Variants in FERMT1 observed in about 807,000 individuals in gnomAD.
FERMT1 encodes the protein FERM domain containing kindlin 1, also known as fermitin family homolog 1.
In FERMT1, 60 loss-of-function variants were observed where a neutral mutation model predicts 85.3. The observed-to-expected ratio is 0.70, with a 90% CI of 0.57 to 0.87. The LOEUF (loss-of-function observed/expected upper bound fraction) is 0.87. FERMT1 is among the 40% of genes least tolerant of loss of function. The pLI is 0.00. For missense variants in FERMT1, 701 were observed against 818.9 expected, an observed-to-expected ratio of 0.86 and a Z score of 1.76; for synonymous variants, 275 against 301.1, an observed-to-expected ratio of 0.91 and a Z score of 0.90.
At chr20:6,091,427 A>G (rs1426823685) in intron 9 of FERMT1, among the ~76,000 whole-genome samples, 1 of 151,676 alleles carries the variant, frequency 6.6e-6, no homozygotes, top group Non-Finnish European at 1.5e-5. Flanking sequence ...CTGGGGTTTC[A>G]TCATGTTGGC....
In FERMT1 at chr20:6,110,206, T is replaced by C. The variant is rs1982905296; in HGVS notation, c.746+92A>G. 17 of 1,117,380 alleles carry C rather than the reference T, an allele frequency of 1.5e-5. No homozygotes were observed. The South Asian group carries it at 2.1e-4, about 14-fold the overall frequency. The allele number at this position is 1,117,380 out of a possible 1,614,324, so 69.2% of individuals were successfully genotyped here. A position where few individuals can be genotyped will look rare whatever the true frequency, so the allele number is the denominator to read the frequency against. ...ACTTTTGCAAATAAAGCACAATCCC[T>C]AGGCCTACCAACTTGAAAATGAAAC... On this transcript the variant is annotated intron_variant, in intron 5 of 14. Transcript: ENST00000217289.
Position 6,085,012 on chromosome 20 carries a change from C to T in FERMT1, c.1593+54G>A, listed in dbSNP as rs6038350. ...CCAGCCGGAAATCCTCCTTTTATTTCTGTTTGCATAAAGAATTTACTGCAA... is the reference window on the plus strand; with the variant it reads ...CCAGCCGGAAATCCTCCTTTTATTTTTGTTTGCATAAAGAATTTACTGCAA... On this transcript the variant is annotated intron_variant, in intron 12 of 14. Coordinates refer to ENST00000217289, the MANE Select transcript of FERMT1 (RefSeq NM_017671.5). The T allele has an allele frequency of 1.3e-3, 1,928 of 1,520,862 alleles. 21 individuals carry two copies. In the African/African-American group the frequency reaches 0.02, roughly 16 times the overall value. 94.2% of individuals were successfully genotyped at this position (1,520,862 alleles called of 1,614,324 possible). A position where few individuals can be genotyped will look rare whatever the true frequency, so the allele number is the denominator to read the frequency against.
intron 1 of FERMT1, 23 bp from the exon 2 acceptor site, chr20:6,119,595 T>C (rs1362724858): frequency 3.8e-6 from 6 of 1,595,708 alleles, no homozygotes; most frequent in Non-Finnish European, 5.1e-6. Context: ...AAGGCAGACA[T>C]AGATTGGAAT....
rs748763522 is a variant in FERMT1, at chr20:6,083,679, C to T, written c.1718+361G>A. On this transcript the variant is annotated intron_variant, in intron 13 of 14. Coordinates refer to ENST00000217289, the MANE Select transcript of FERMT1 (RefSeq NM_017671.5). ...CACCCCCCCCCCCGGCCACCCTCCC[C>T]ACACCCGATCTCTTAAAAAAAAAAA... Among the ~76,000 whole-genome samples the T allele has an allele frequency of 2.8e-5, 4 of 144,558 alleles. No homozygotes were observed. In the Admixed American group the frequency reaches 2.8e-4, roughly 10 times the overall value. The allele number at this position is 144,558 out of a possible 152,430, so 94.8% of individuals were successfully genotyped here. A position where few individuals can be genotyped will look rare whatever the true frequency, so the allele number is the denominator to read the frequency against.
chr20:6,102,442 T>C (rs947617080), intron 6 of FERMT1, among the ~76,000 whole-genome samples: 1 of 151,890 alleles, frequency 6.6e-6, no homozygotes. Flanking sequence ...TTTGGGAGGC[T>C]GAGGCAGGAG....
intron 6 of FERMT1, among the ~76,000 whole-genome samples, chr20:6,098,384 A>G (rs1344062052): frequency 1.3e-5 from 2 of 152,152 alleles, no homozygotes; most frequent in Admixed American, 6.5e-5. Flanking sequence ...TGGAAGACAT[A>G]ATGTTCAAAT....
intron 4 of FERMT1, among the ~76,000 whole-genome samples, chr20:6,111,293 A>G (rs929612358): frequency 2.0e-5 from 3 of 152,192 alleles, no homozygotes; most frequent in African/African-American, 4.8e-5. Context: ...GCTGGCTCTA[A>G]TTTGTACAAT....
At chr20:6,114,237 G>A (rs1983038205) in intron 3 of FERMT1, among the ~76,000 whole-genome samples, 1 of 152,120 alleles carries the variant, frequency 6.6e-6, no homozygotes, top group African/African-American at 2.4e-5. Context: ...ATTTCACTGT[G>A]AGCACTAAAA....
At chr20:6,077,628 ACT>A (rs1184437077) in intron 14 of FERMT1, among the ~76,000 whole-genome samples, 1 of 151,766 alleles carries the variant, frequency 6.6e-6, no homozygotes, top group Non-Finnish European at 1.5e-5. Context: ...TTGCCCAAGC[ACT>A]CTCTGTCTCC....
chr20:6,076,571 C>G lies in FERMT1; in HGVS notation c.*602G>C, dbSNP rs1981827795. On this transcript the variant is annotated 3_prime_UTR_variant, in exon 15 of 15. Transcript: ENST00000217289. ...CAGGTATCACTGTGGACAGATGACA[C>G]TGAGGGCCACTCCTCTGACCTTGGG... 1 of 453,700 alleles carries G rather than the reference C, an allele frequency of 2.2e-6. No homozygotes were observed. Among genetic ancestry groups the G allele is most frequent in the Non-Finnish European group, 4.4e-6 (1 of 225,922 alleles). The allele number at this position is 453,700 out of a possible 1,614,324, so 28.1% of individuals were successfully genotyped here.
chr20:6,083,615 G>C (rs1038547732), intron 13 of FERMT1, among the ~76,000 whole-genome samples: 10 of 144,514 alleles, frequency 6.9e-5, no homozygotes, highest in Non-Finnish European at 1.3e-4. Flanking sequence ...GATTGCTTGA[G>C]ATCAGGAGTT....
chr20:6,110,808 T>G (rs1420738859), intron 4 of FERMT1, among the ~76,000 whole-genome samples: 1 of 152,126 alleles, frequency 6.6e-6, no homozygotes, highest in Non-Finnish European at 1.5e-5. Context: ...ATATGGATCA[T>G]GATGGTACAG....
intron 6 of FERMT1, among the ~76,000 whole-genome samples, chr20:6,099,830 T>TAA (rs112369032): frequency 0.095 from 11,449 of 120,278 alleles, 646 homozygotes; most frequent in Middle Eastern, 0.19. Flanking sequence ...TCACTGTTTC[T>TAA]AAAAAAAAAA....
intron 3 of FERMT1, 46 bp from the exon 4 acceptor site, chr20:6,112,669 A>C (rs747928049): frequency 7.4e-7 from 1 of 1,344,398 alleles, no homozygotes; most frequent in East Asian, 2.5e-5. Context: ...TAAAAAGAAA[A>C]CTCCTTCTAA....
chr20:6,121,899 C>A (rs967986999), intron 1 of FERMT1, among the ~76,000 whole-genome samples: 1 of 152,232 alleles, frequency 6.6e-6, no homozygotes, highest in East Asian at 1.9e-4. Context: ...ACAAATCTTG[C>A]GCAGTGAGGA....
rs1320857311 is a variant in FERMT1 at position 6,097,585 on chromosome 20, G to A, written c.896C>T (p.Ala299Val). The change falls in exon 7 of 15, where the codon GCC (alanine) becomes GTC (valine). Residue 299 changes from alanine to valine, a missense_variant. Coordinates refer to ENST00000217289, the MANE Select transcript of FERMT1 (RefSeq NM_017671.5). ...INQLYEQARW[A>V]ILLEEIDCTE... ...GCAATCAATTTCTTCTAAGAGAATG[G>A]CCCACCTGGCTTGCTCATAGAGTTG... is the stretch of plus-strand genomic sequence containing the variant. 6.2e-7 allele frequency: 1 copy of A among 1,613,948 alleles called. No individual in the cohort carries two copies. The highest frequency in any genetic ancestry group is 1.7e-5 in the Admixed American group (1 of 60,002).
At chr20:6,103,785 T>G (rs1157494907) in intron 6 of FERMT1, among the ~76,000 whole-genome samples, 4 of 127,500 alleles carry the variant, frequency 3.1e-5, no homozygotes, top group African/African-American at 1.2e-4. Context: ...TTTTTTTTTT[T>G]GGCCAGATGT....
In FERMT1 at chr20:6,089,087, G is replaced by A. The variant is rs781132211; in HGVS notation, c.1142C>T (p.Pro381Leu). The change falls in exon 10 of 15, where the codon CCC becomes CTC. Residue 381 changes from proline (P) to leucine (L), a missense_variant and splice_region_variant. Coordinates refer to ENST00000217289, the MANE Select transcript of FERMT1 (RefSeq NM_017671.5). ...KLADNLKLFR[P>L]KKLLPKAFKQ... ...GAAAGCTTTTGGTAGTAACTTCTTG[G>A]GCCTGCAAATTCAAAGATAGTGAAT... 1 of 1,611,222 alleles carries A rather than the reference G, an allele frequency of 6.2e-7. No homozygotes were observed. The highest frequency in any genetic ancestry group is 1.1e-5 in the South Asian group (1 of 90,954).
chr20:6,075,403 A>G lies in FERMT1; in HGVS notation c.*1770T>C, dbSNP rs956236689. 2 of 152,198 alleles carry G rather than the reference A, an allele frequency of 1.3e-5. No homozygotes were observed. Among genetic ancestry groups the G allele is most frequent in the Non-Finnish European group, 1.5e-5 (1 of 68,024 alleles). The allele number at this position is 152,198 out of a possible 1,614,324, so 9.4% of individuals were successfully genotyped here. A position where few individuals can be genotyped will look rare whatever the true frequency, so the allele number is the denominator to read the frequency against. ...ATGACCAACATCAAGTATATACGGTACACTTAGCACTTGTTTCTATAGAAA... is the reference window on the plus strand; with the variant it reads ...ATGACCAACATCAAGTATATACGGTGCACTTAGCACTTGTTTCTATAGAAA... On this transcript the variant is annotated 3_prime_UTR_variant, in exon 15 of 15. Transcript: ENST00000217289.
Sources: gnomAD v4.1 joint callset for allele counts (sites outside exome capture counted in the v4.1 genomes callset) on GRCh38, gnomAD v4.1.1 for gene constraint, MANE v1.5 for transcripts, NCBI Gene and HGNC (gene_info 2026-07-23, HGNC 2026-07-21) for gene names.